STXBP5L: variants seen among roughly 807,000 people sequenced by gnomAD.
STXBP5L encodes syntaxin binding protein 5L, also known as syntaxin-binding protein 5-like.
A neutral mutation model predicts 144.5 loss-of-function variants in STXBP5L; 65 were observed. The ratio of observed to expected loss-of-function variants is 0.45; its 90% confidence interval spans 0.37 to 0.55. The LOEUF (loss-of-function observed/expected upper bound fraction) is 0.55, where lower values mean the gene tolerates loss of function less well. Among genes scored for constraint, STXBP5L ranks in the 20% least tolerant of loss-of-function variants. STXBP5L has a pLI of 0.00. For missense variants in STXBP5L, 1,298 were observed against 1,405.5 expected (o/e 0.92, Z 1.22); for synonymous variants, 505 against 469.6 (o/e 1.08, Z -0.97).
intron 3 of STXBP5L, among the ~76,000 whole-genome samples, chr3:121,024,993 A>G (rs1205884938): frequency 6.6e-6 from 1 of 152,142 alleles, no homozygotes; most frequent in East Asian, 1.9e-4. Context: ...GATAGTTTAA[A>G]TTGAGGTCTC....
At chr3:121,186,690 G>T (rs2047396582) in intron 9 of STXBP5L, among the ~76,000 whole-genome samples, 1 of 152,160 alleles carries the variant, frequency 6.6e-6, no homozygotes, top group Non-Finnish European at 1.5e-5. Flanking sequence ...GCTGGATTCG[G>T]TTTGCCAGTA....
intron 3 of STXBP5L, among the ~76,000 whole-genome samples, chr3:120,985,983 C>G (rs1036599051): frequency 6.6e-6 from 1 of 151,660 alleles, no homozygotes; most frequent in African/African-American, 2.4e-5. Flanking sequence ...TGTTCTTTTT[C>G]TAGTTCCTTA....
rs1264187318 is a variant in STXBP5L, at chr3:121,161,580, C to T, written c.877+3953C>T. On this transcript the variant is annotated intron_variant, in intron 9 of 26. Transcript: ENST00000471454. ...ATATATATATATGATATATAATTTG[C>T]TGGATCATCAGCTGTTTTACTCAAG... Among the ~76,000 whole-genome samples, 4 of 151,896 alleles carry T rather than the reference C, an allele frequency of 2.6e-5. No homozygotes were observed. In the South Asian group the frequency reaches 6.2e-4, roughly 24 times the overall value.
chr3:120,961,185 TG>T (rs1938751768), intron 3 of STXBP5L, among the ~76,000 whole-genome samples: 1 of 134,898 alleles, frequency 7.4e-6, no homozygotes, highest in Non-Finnish European at 1.6e-5. Flanking sequence ...TTTTAGTTTT[TG>T]ATTTTATTTA....
chr3:121,001,141 G>A (rs1943741543), intron 3 of STXBP5L, among the ~76,000 whole-genome samples: 1 of 152,236 alleles, frequency 6.6e-6, no homozygotes, highest in South Asian at 2.1e-4. Context: ...GCAGCAGCAT[G>A]GCAGGGTCTG....
intron 20 of STXBP5L, chr3:121,357,990 T>G (rs2045584362): frequency 6.6e-6 from 1 of 152,192 alleles, no homozygotes; most frequent in Non-Finnish European, 1.5e-5. Flanking sequence ...AAAAATATTG[T>G]GGGTGCATTG....
chr3:121,092,657 TAAG>T (rs962771429), intron 5 of STXBP5L, among the ~76,000 whole-genome samples: 1 of 152,218 alleles, frequency 6.6e-6, no homozygotes, highest in Non-Finnish European at 1.5e-5. Flanking sequence ...CTTATCAGCT[TAAG>T]GAGATTTTGG....
intron 19 of STXBP5L, among the ~76,000 whole-genome samples, chr3:121,310,231 T>C (rs1224894301): frequency 1.3e-5 from 2 of 152,224 alleles, no homozygotes; most frequent in Admixed American, 1.3e-4. Flanking sequence ...CACTGACTAC[T>C]TAGGAATTAA....
intron 9 of STXBP5L, among the ~76,000 whole-genome samples, chr3:121,194,185 C>T (rs1015557620): frequency 6.6e-6 from 1 of 152,036 alleles, no homozygotes; most frequent in Admixed American, 6.6e-5. Flanking sequence ...CAGTTACTCC[C>T]CTTTCTCTCC....
chr3:121,105,074 G>A (rs1199806339), intron 5 of STXBP5L, among the ~76,000 whole-genome samples: 1 of 152,086 alleles, frequency 6.6e-6, no homozygotes, highest in Admixed American at 6.6e-5. Flanking sequence ...CAAAAAGTGG[G>A]CTAAGGACAT....
At chr3:121,236,263 T>C (rs2049478560) in intron 12 of STXBP5L, among the ~76,000 whole-genome samples, 1 of 152,196 alleles carries the variant, frequency 6.6e-6, no homozygotes, top group Non-Finnish European at 1.5e-5. Flanking sequence ...ATCTTTTCAT[T>C]ATTCCTGCAA....
chr3:121,193,945 C>A (rs1408688411), intron 9 of STXBP5L, among the ~76,000 whole-genome samples: 1 of 146,620 alleles, frequency 6.8e-6, no homozygotes, highest in African/African-American at 2.6e-5. Flanking sequence ...ACATTGTGCA[C>A]ATGTACACTA....
At chr3:121,218,106 T>C (rs1053143699) in intron 10 of STXBP5L, among the ~76,000 whole-genome samples, 1 of 141,742 alleles carries the variant, frequency 7.1e-6, no homozygotes, top group African/African-American at 2.6e-5. Flanking sequence ...TAATATATAA[T>C]ATACTATATA....
chr3:121,350,092 G>A (rs972844108), intron 20 of STXBP5L, among the ~76,000 whole-genome samples: 6 of 152,112 alleles, frequency 3.9e-5, no homozygotes, highest in African/African-American at 1.4e-4. Flanking sequence ...TGCAGTGGCT[G>A]GTACCAGTTA....
chr3:121,003,834 G>C (rs1944005905), intron 3 of STXBP5L, among the ~76,000 whole-genome samples: 1 of 152,124 alleles, frequency 6.6e-6, no homozygotes, highest in East Asian at 1.9e-4. Flanking sequence ...TCTTGTTTTT[G>C]TCAGGTTTGT....
chr3:121,042,273 G>A (rs1460086344), intron 4 of STXBP5L, among the ~76,000 whole-genome samples: 4 of 152,064 alleles, frequency 2.6e-5, no homozygotes, highest in African/African-American at 9.7e-5. Context: ...TAGTTATTAT[G>A]GAAATTAGCT....
rs1005135410 is a variant in STXBP5L, at chr3:121,013,132, A to G, written c.288-28568A>G. On this transcript the variant is annotated intron_variant, in intron 3 of 26. Coordinates refer to ENST00000471454, the MANE Select transcript of STXBP5L (RefSeq NM_001308330.2). ...CCTGGGTTGATTCCATGTTCTTGCTATTATGAATAGTGCTGTAATAAACAT... is the reference window on the plus strand; with the variant it reads ...CCTGGGTTGATTCCATGTTCTTGCTGTTATGAATAGTGCTGTAATAAACAT... Among the ~76,000 whole-genome samples the G allele has an allele frequency of 3.3e-5, 5 of 152,084 alleles. 1 individual carries two copies. The highest frequency in any genetic ancestry group is 4.1e-4 in the South Asian group (2 of 4,828).
intron 3 of STXBP5L, among the ~76,000 whole-genome samples, chr3:120,980,765 G>T (rs530590744): frequency 9.9e-5 from 15 of 152,068 alleles, no homozygotes; most frequent in African/African-American, 2.9e-4. Flanking sequence ...TACTTAGATG[G>T]TTTGCAATCT....
intron 20 of STXBP5L, among the ~76,000 whole-genome samples, chr3:121,345,259 G>A (rs1339858943): frequency 2.0e-5 from 3 of 152,000 alleles, no homozygotes; most frequent in African/African-American, 7.3e-5. Context: ...AACATGCAGT[G>A]TTTGGTTTTT....
Sources: allele counts gnomAD v4.1 joint callset (sites outside exome capture counted in the v4.1 genomes callset), GRCh38; gene constraint gnomAD v4.1.1; transcripts MANE v1.5; gene names NCBI Gene and HGNC (gene_info 2026-07-23, HGNC 2026-07-21).